PIAS1: variants seen among roughly 807,000 people sequenced by gnomAD.
PIAS1 encodes protein inhibitor of activated STAT 1.
A neutral mutation model predicts 71.3 loss-of-function variants in PIAS1; 6 were observed. The observed-to-expected ratio is 0.08, with a 90% CI of 0.05 to 0.17. The LOEUF is 0.17. PIAS1 is among the 10% of genes least tolerant of loss of function. The pLI is 1.00. For missense variants in PIAS1, 555 were observed against 793.6 expected, an observed-to-expected ratio of 0.70 and a Z score of 3.61; for synonymous variants, 303 against 292.9, an observed-to-expected ratio of 1.03 and a Z score of -0.35.
rs1021174009 is a variant in PIAS1, at chr15:68,189,086, C to G, written c.*1251C>G. The G allele has an allele frequency of 6.6e-6, 1 of 152,114 alleles. No homozygotes were observed. Among genetic ancestry groups the G allele is most frequent in the Non-Finnish European group, 1.5e-5 (1 of 68,002 alleles). 9.4% of individuals were successfully genotyped at this position (152,114 alleles called of 1,614,324 possible). On this transcript the variant is annotated 3_prime_UTR_variant, in exon 14 of 14. Coordinates refer to ENST00000249636, the MANE Select transcript of PIAS1 (RefSeq NM_016166.3). ...GCGTATCTGCCTTGTTTATCTTTTT[C>G]TTCACCTTTTAACAAGTATGACATA...
chr15:68,170,645 G>A (rs1228148679), intron 8 of PIAS1, among the ~76,000 whole-genome samples: 1 of 151,958 alleles, frequency 6.6e-6, no homozygotes. Flanking sequence ...TTAGCTTACT[G>A]TAACTTTTTT....
rs35348345 is a variant in PIAS1, at chr15:68,059,000, C to CTT, written c.24+4671_24+4672dup. On this transcript the variant is annotated intron_variant, in intron 1 of 13. Coordinates refer to ENST00000249636, the MANE Select transcript of PIAS1 (RefSeq NM_016166.3). ...AACTAGTCCCTGTCAGATTATTCTA[C>CTT]TTTTTTTTTTTTTTTTTTTTTTGAG... Among the ~76,000 whole-genome samples the CTT allele has an allele frequency of 1.8e-3, 153 of 84,910 alleles. 3 individuals carry two copies. The highest frequency in any genetic ancestry group is 4.2e-3 in the African/African-American group (92 of 21,774). The allele number at this position is 84,910 out of a possible 152,430, so 55.7% of individuals were successfully genotyped here.
chr15:68,055,118 A>G, intron 1 of PIAS1: 1 of 680,438 alleles, frequency 1.5e-6, no homozygotes, highest in Non-Finnish European at 1.8e-6. Flanking sequence ...CAGTGTTGGG[A>G]GGGGGGGATG....
intron 1 of PIAS1, among the ~76,000 whole-genome samples, chr15:68,071,425 C>T (rs931046571): frequency 6.6e-6 from 1 of 150,874 alleles, no homozygotes; most frequent in Non-Finnish European, 1.5e-5. Flanking sequence ...CCATGTTGGC[C>T]AGGCTGGTCT....
At chr15:68,156,904 G>T (rs1567068292) in intron 7 of PIAS1, among the ~76,000 whole-genome samples, 1 of 152,158 alleles carries the variant, frequency 6.6e-6, no homozygotes, top group Admixed American at 6.5e-5. Context: ...ACGAATCAAA[G>T]GAAGGCAAGG....
intron 1 of PIAS1, among the ~76,000 whole-genome samples, chr15:68,066,445 T>A (rs926277767): frequency 6.6e-6 from 1 of 152,200 alleles, no homozygotes; most frequent in African/African-American, 2.4e-5. Context: ...AAGAATCATA[T>A]GAATAAATGA....
At chr15:68,128,945 C>T (rs1453290101) in intron 2 of PIAS1, among the ~76,000 whole-genome samples, 4 of 151,630 alleles carry the variant, frequency 2.6e-5, no homozygotes, top group Admixed American at 1.3e-4. Context: ...TCTTGGAAAA[C>T]TAAAAGACAT....
intron 8 of PIAS1, among the ~76,000 whole-genome samples, chr15:68,172,675 T>A (rs1320702891): frequency 6.6e-6 from 1 of 152,234 alleles, no homozygotes; most frequent in Non-Finnish European, 1.5e-5. Context: ...TGGTGGCCAT[T>A]GTGGGATCTG....
At chr15:68,160,335 G>A (rs1182510600) in intron 7 of PIAS1, among the ~76,000 whole-genome samples, 6 of 151,976 alleles carry the variant, frequency 3.9e-5, no homozygotes, top group African/African-American at 1.5e-4. Flanking sequence ...CATAGATATC[G>A]AAATATTCCA....
chr15:68,136,313 T>C lies in PIAS1; in HGVS notation c.470-5633T>C, dbSNP rs1312198290. Among the ~76,000 whole-genome samples, 6 of 53,590 alleles carry C rather than the reference T, an allele frequency of 1.1e-4. 3 individuals are homozygous for C. Among genetic ancestry groups the C allele is most frequent in the East Asian group, 9.6e-4 (2 of 2,078 alleles). The allele number at this position is 53,590 out of a possible 152,430, so 35.2% of individuals were successfully genotyped here. A position where few individuals can be genotyped will look rare whatever the true frequency, so the allele number is the denominator to read the frequency against. ...CCACTGCACTCCAGCCTGGGCACCA[T>C]TGAGCACTGAGTGAACCAGACTCCG... On this transcript the variant is annotated intron_variant, in intron 2 of 13. Transcript: ENST00000249636.
At chr15:68,107,515 G>T (rs1249452353) in intron 2 of PIAS1, among the ~76,000 whole-genome samples, 2 of 152,198 alleles carry the variant, frequency 1.3e-5, no homozygotes, top group African/African-American at 2.4e-5. Flanking sequence ...CAAATGTTAA[G>T]TGTCTAGTAT....
intron 2 of PIAS1, among the ~76,000 whole-genome samples, chr15:68,124,893 C>T (rs1449933351): frequency 2.0e-5 from 3 of 152,116 alleles, no homozygotes; most frequent in Non-Finnish European, 2.9e-5. Context: ...AAGTAATATG[C>T]TTGCATTGCA....
chr15:68,175,508 A>G lies in PIAS1; in HGVS notation c.1170-129A>G, dbSNP rs2093015576. ...TCATGGTCACATGATATTTTCTTAC[A>G]TAAATGTGACATAAATTAGGCAGCT... On this transcript the variant is annotated intron_variant, in intron 9 of 13. Coordinates refer to ENST00000249636, the MANE Select transcript of PIAS1 (RefSeq NM_016166.3). The G allele has an allele frequency of 8.4e-6, 3 of 356,602 alleles. No individual in the cohort carries two copies. The East Asian group carries it at 1.3e-4, about 16-fold the overall frequency. 22.1% of individuals were successfully genotyped at this position (356,602 alleles called of 1,614,324 possible).
chr15:68,172,309 A>G (rs1334325033), intron 8 of PIAS1, among the ~76,000 whole-genome samples: 3 of 152,124 alleles, frequency 2.0e-5, no homozygotes, highest in African/African-American at 7.2e-5. Context: ...AATTCAGTCT[A>G]TCATTGATGG....
chr15:68,106,304 G>C (rs1222840785), intron 2 of PIAS1, among the ~76,000 whole-genome samples: 1 of 136,366 alleles, frequency 7.3e-6, no homozygotes, highest in Non-Finnish European at 1.5e-5. Flanking sequence ...GGCTAAAAAT[G>C]GATGGTTAAA....
Position 68,146,708 on chromosome 15 carries a change from A to C in PIAS1, c.828+8A>C. The C allele has an allele frequency of 2.5e-6, 4 of 1,601,542 alleles. No individual in the cohort carries two copies. The highest frequency in any genetic ancestry group is 3.4e-6 in the Non-Finnish European group (4 of 1,172,186). ...ACTGCAGAAATTGGAAGAGTAAGTA[A>C]ATTTTTGTTTCTACCAGATTTTTGT... is the stretch of plus-strand genomic sequence containing the variant. On this transcript the variant is annotated splice_region_variant and intron_variant, in intron 6 of 13. Coordinates refer to ENST00000249636, the MANE Select transcript of PIAS1 (RefSeq NM_016166.3).
In PIAS1 at chr15:68,176,638, C is replaced by G; in HGVS notation, c.1465C>G (p.Pro489Ala). Residue 489 changes from proline (P) to alanine (A), a missense_variant, in exon 11 of 14, where the codon CCA (proline) becomes GCA (alanine). Transcript: ENST00000249636. Reference protein sequence around the residue: ...RTCPSLSPTSPLNNKGILSLP... With the variant: ...RTCPSLSPTSALNNKGILSLP... ...CTGTCCTTCCCTATCTCCCACATCACCACTAAATAATAAAGGGTAAGTGCT... is the reference window on the plus strand; with the variant it reads ...CTGTCCTTCCCTATCTCCCACATCAGCACTAAATAATAAAGGGTAAGTGCT... 1 of 1,588,454 alleles carries G rather than the reference C, an allele frequency of 6.3e-7. No homozygotes were observed. Among genetic ancestry groups the G allele is most frequent in the Non-Finnish European group, 8.5e-7 (1 of 1,170,210 alleles).
chr15:68,113,440 AC>A lies in PIAS1; in HGVS notation c.469+26691del, dbSNP rs2092539141. 3.3e-5 allele frequency among the ~76,000 whole-genome samples: 5 copies of A among 152,308 alleles called. No homozygotes were observed. The South Asian group carries it at 1.0e-3, about 32-fold the overall frequency. The stretch of plus-strand genomic sequence containing the variant: ...TTTACATTCAAACATTGATCATTAG[AC>A]TTGGTTCATAGCTGGCTGGCTTGAA... On this transcript the variant is annotated intron_variant, in intron 2 of 13. Coordinates refer to ENST00000249636, the MANE Select transcript of PIAS1 (RefSeq NM_016166.3).
intron 4 of PIAS1, among the ~76,000 whole-genome samples, chr15:68,144,896 A>G (rs1361075945): frequency 6.6e-6 from 1 of 152,128 alleles, no homozygotes; most frequent in African/African-American, 2.4e-5. Flanking sequence ...CATGGCCAGC[A>G]GGTTAAGACC....
Sources: allele counts gnomAD v4.1 joint callset (sites outside exome capture counted in the v4.1 genomes callset), GRCh38; gene constraint gnomAD v4.1.1; transcripts MANE v1.5; gene names NCBI Gene and HGNC (gene_info 2026-07-23, HGNC 2026-07-21).